TRHDE: variants seen among roughly 807,000 people sequenced by gnomAD.
TRHDE encodes the protein thyrotropin-releasing hormone-degrading ectoenzyme.
A neutral mutation model predicts 125.7 loss-of-function variants in TRHDE; 72 were observed. That is an observed-to-expected ratio of 0.57 (90% CI 0.47 to 0.70). The LOEUF (loss-of-function observed/expected upper bound fraction) is 0.70. Ranked by LOEUF, TRHDE falls within the 30% of genes least tolerant of loss-of-function variation. The pLI is 0.00. For synonymous variants in TRHDE, 509 were observed against 509.1 expected, an observed-to-expected ratio of 1.00 and a Z score of 0.00; for missense variants, 1,110 against 1,327.1, an observed-to-expected ratio of 0.84 and a Z score of 2.54.
chr12:72,099,953 C>T (rs370029174), intron 1 of TRHDE, among the ~76,000 whole-genome samples: 8 of 152,066 alleles, frequency 5.3e-5, no homozygotes, highest in South Asian at 2.1e-4. Context: ...AATATCTGGA[C>T]GTGCAGAGAT....
At chr12:72,278,650 G>A (rs1879580948) in intron 1 of TRHDE, among the ~76,000 whole-genome samples, 1 of 152,154 alleles carries the variant, frequency 6.6e-6, no homozygotes, top group Non-Finnish European at 1.5e-5. Flanking sequence ...TCTTACAGGT[G>A]TGAGTTGACA....
chr12:72,309,770 G>A (rs1868454776), intron 2 of TRHDE: 1 of 151,962 alleles, frequency 6.6e-6, no homozygotes, highest in Non-Finnish European at 1.5e-5. Flanking sequence ...TACTGCAGAG[G>A]ATGCAGAGGA....
At chr12:72,431,912 A>C (rs1874502085) in intron 3 of TRHDE, 1 of 190,002 alleles carries the variant, frequency 5.3e-6, no homozygotes, top group South Asian at 1.1e-4. Flanking sequence ...TCAGAAGTTC[A>C]GTGGACTTCT....
rs182749777 is a variant in TRHDE at position 72,124,991 on chromosome 12, G to A, written n.279+19239G>A. On this transcript the variant is annotated intron_variant and non_coding_transcript_variant, in intron 2 of 4. Transcript: ENST00000548156. ...AAAGTTTTAGGTTTTTAAATGTTGA[G>A]TCATTATTGTATTCCTAATATAAAT... Among the ~76,000 whole-genome samples, 227 of 152,212 alleles carry A rather than the reference G, an allele frequency of 1.5e-3. 1 individual carries two copies. Among genetic ancestry groups the A allele is most frequent in the African/African-American group, 5.0e-3 (208 of 41,532 alleles).
At chr12:72,203,190 A>G (rs1440188085) in intron 2 of TRHDE, among the ~76,000 whole-genome samples, 2 of 152,088 alleles carry the variant, frequency 1.3e-5, no homozygotes, top group African/African-American at 2.4e-5. Flanking sequence ...GGCCGGGCGT[A>G]GTGGCTCACA....
At chr12:72,174,226 G>A (rs575990431) in intron 2 of TRHDE, among the ~76,000 whole-genome samples, 57 of 152,224 alleles carry the variant, frequency 3.7e-4, no homozygotes, top group African/African-American at 1.3e-3. Flanking sequence ...GCCAAGTGTC[G>A]TTAGTGTGAG....
intron 2 of TRHDE, among the ~76,000 whole-genome samples, chr12:72,359,988 T>A (rs1282559421): frequency 6.6e-6 from 1 of 151,638 alleles, no homozygotes; most frequent in African/African-American, 2.4e-5. Context: ...AAGGGCATTA[T>A]AAGTCAGTGG....
At chr12:72,475,074 G>A (rs887068050) in intron 5 of TRHDE, among the ~76,000 whole-genome samples, 4 of 151,884 alleles carry the variant, frequency 2.6e-5, no homozygotes, top group African/African-American at 9.7e-5. Flanking sequence ...TTTTATTTTG[G>A]CATTCAAATT....
chr12:72,390,447 T>G (rs981068419), intron 3 of TRHDE, among the ~76,000 whole-genome samples: 1 of 152,012 alleles, frequency 6.6e-6, no homozygotes, highest in Non-Finnish European at 1.5e-5. Flanking sequence ...AAAAAAAAGG[T>G]GACCATTCTC....
intron 7 of TRHDE, among the ~76,000 whole-genome samples, chr12:72,552,070 A>G (rs981395283): frequency 6.6e-6 from 1 of 152,192 alleles, no homozygotes; most frequent in Non-Finnish European, 1.5e-5. Context: ...GCAGCCAACC[A>G]TGCATTGCCC....
At chr12:72,177,017 C>A (rs553826015) in intron 2 of TRHDE, among the ~76,000 whole-genome samples, 1 of 151,908 alleles carries the variant, frequency 6.6e-6, no homozygotes, top group Non-Finnish European at 1.5e-5. Flanking sequence ...GACAAGTGAG[C>A]GGTGATATTC....
Position 72,597,233 on chromosome 12 carries a change from G to A in TRHDE, c.2322-21658G>A, listed in dbSNP as rs183577844. On this transcript the variant is annotated intron_variant, in intron 12 of 18. Coordinates refer to ENST00000261180, the MANE Select transcript of TRHDE (RefSeq NM_013381.3). ...GAAAATACGAATGTCTCTCCTTTAGGCCTCATTGAACTGAAAATATTTTGG... is the reference window on the plus strand; with the variant it reads ...GAAAATACGAATGTCTCTCCTTTAGACCTCATTGAACTGAAAATATTTTGG... 5.3e-5 allele frequency among the ~76,000 whole-genome samples: 8 copies of A among 152,178 alleles called. No homozygotes were observed. The East Asian group carries it at 1.5e-3, about 29-fold the overall frequency.
intron 2 of TRHDE, among the ~76,000 whole-genome samples, chr12:72,215,096 A>G (rs11179109): frequency 0.012 from 1,836 of 152,250 alleles, 21 homozygotes; most frequent in Middle Eastern, 0.017. Context: ...GCTGAGTCCA[A>G]AAAGAGAGTC....
chr12:72,554,310 C>T (rs1355715217), intron 7 of TRHDE, among the ~76,000 whole-genome samples: 1 of 151,838 alleles, frequency 6.6e-6, no homozygotes, highest in Non-Finnish European at 1.5e-5. Context: ...TTTTCTAAGT[C>T]GTTTATTTGT....
Position 72,273,491 on chromosome 12 carries a change from A to G in TRHDE, c.848A>G (p.Asn283Ser). ...QRNYNLKIIY[N>S]ALIENELLGF... ...AATTACAATCTGAAGATTATCTACA[A>G]CGCGCTCATCGAGAATGAGCTCCTG... is the stretch of plus-strand genomic sequence containing the variant. Residue 283 changes from asparagine (N) to serine (S), a missense_variant, in exon 1 of 19, where the codon AAC becomes AGC. Physicochemically the swap from Asn to Ser is conservative, Grantham distance 46. This residue lies in a region of TRHDE where 252 missense variants were observed against 274.8 expected (regional missense o/e 0.92). Coordinates refer to ENST00000261180, the MANE Select transcript of TRHDE (RefSeq NM_013381.3). This position sits in a 1 kb window ranked among gnomAD's most constrained non-coding sequence, Gnocchi z 5.3. The G allele has an allele frequency of 1.9e-6, 3 of 1,612,312 alleles. No homozygotes were observed. Among genetic ancestry groups the G allele is most frequent in the Non-Finnish European group, 2.5e-6 (3 of 1,179,998 alleles).
chr12:72,642,705 A>G (rs1874115260), intron 15 of TRHDE, among the ~76,000 whole-genome samples: 1 of 152,168 alleles, frequency 6.6e-6, no homozygotes, highest in South Asian at 2.1e-4. Flanking sequence ...GTGTTTAAAG[A>G]GAAATGACTG....
intron 2 of TRHDE, among the ~76,000 whole-genome samples, chr12:72,314,047 A>G (rs1020990979): frequency 3.3e-5 from 5 of 152,154 alleles, no homozygotes; most frequent in Non-Finnish European, 7.4e-5. Context: ...TATGGATAAT[A>G]AAGTTATGTT....
chr12:72,582,615 A>T (rs1380061625), intron 12 of TRHDE: 23 of 985,322 alleles, frequency 2.3e-5, no homozygotes, highest in Non-Finnish European at 2.7e-5. Flanking sequence ...CTAGATGAGT[A>T]GCAGTTTTTC....
chr12:72,225,356 T>C (rs1007161994), intron 2 of TRHDE, among the ~76,000 whole-genome samples: 3 of 152,156 alleles, frequency 2.0e-5, no homozygotes, highest in Admixed American at 6.6e-5. Context: ...TTTATCACCA[T>C]TATGTATAAA....
Sources: gnomAD v4.1 joint callset for allele counts (sites outside exome capture counted in the v4.1 genomes callset) on GRCh38, gnomAD v4.1.1 for gene constraint, gnomAD v4.1.1 regional missense constraint, Gnocchi (gnomAD v3.1) non-coding constraint, MANE v1.5 for transcripts, NCBI Gene and HGNC (gene_info 2026-07-23, HGNC 2026-07-21) for gene names.